The following NAV1 variants were observed in gnomAD, a reference collection of about 807,000 sequenced individuals.
The protein encoded by NAV1 is neuron navigator 1, also known as pore membrane and/or filament interacting like protein 3.
NAV1 carries 18 observed loss-of-function variants against 175.2 expected under a neutral mutation model. The observed-to-expected ratio is 0.10, with a 90% CI of 0.07 to 0.15. The LOEUF (loss-of-function observed/expected upper bound fraction) is 0.15. Among genes scored for constraint, NAV1 ranks in the 10% least tolerant of loss-of-function variants. The probability of loss-of-function intolerance (pLI) is 1.00; values close to 1 mark genes in which losing one functional copy is unlikely to be tolerated. For synonymous variants in NAV1, 897 were observed against 978.7 expected, an observed-to-expected ratio of 0.92 and a Z score of 1.56; for missense variants, 1,731 against 2,436.6, an observed-to-expected ratio of 0.71 and a Z score of 6.10.
At chr1:201,670,839 G>T (rs1670015624) in intron 1 of NAV1, among the ~76,000 whole-genome samples, 1 of 151,842 alleles carries the variant, frequency 6.6e-6, no homozygotes, top group African/African-American at 2.4e-5. Context: ...TGATGTTTTG[G>T]TAATGGTGGT....
intron 1 of NAV1, among the ~76,000 whole-genome samples, chr1:201,691,500 A>G (rs892006108): frequency 2.0e-5 from 3 of 152,228 alleles, no homozygotes; most frequent in Admixed American, 2.0e-4. Flanking sequence ...CAAGTACGTA[A>G]ACAAACAAAT....
At chr1:201,738,887 C>T (rs912567684) in intron 3 of NAV1, among the ~76,000 whole-genome samples, 1 of 152,210 alleles carries the variant, frequency 6.6e-6, no homozygotes, top group Non-Finnish European at 1.5e-5. Context: ...AAAATGTAGG[C>T]TTCCCAGTTT....
intron 2 of NAV1, among the ~76,000 whole-genome samples, chr1:201,642,276 G>A (rs546613916): frequency 9.5e-5 from 14 of 147,620 alleles, no homozygotes; most frequent in African/African-American, 3.3e-4. Flanking sequence ...GCAGTGGCGC[G>A]ATCTCGGCTC....
upstream of NAV1, among the ~76,000 whole-genome samples, chr1:201,619,650 G>C (rs1306830066): frequency 6.6e-6 from 1 of 152,198 alleles, no homozygotes; most frequent in Non-Finnish European, 1.5e-5. Flanking sequence ...TGGCATGCTG[G>C]GGCTGGGAGC....
chr1:201,731,468 G>A (rs918213318), intron 3 of NAV1, among the ~76,000 whole-genome samples: 5 of 152,130 alleles, frequency 3.3e-5, no homozygotes, highest in East Asian at 1.9e-4. Context: ...AGAGCAGGGC[G>A]AGTATATTCT....
At chr1:201,726,402 G>A (rs917091177) in intron 3 of NAV1, among the ~76,000 whole-genome samples, 1 of 152,120 alleles carries the variant, frequency 6.6e-6, no homozygotes, top group Non-Finnish European at 1.5e-5. Context: ...CCAGCACTTT[G>A]GGAGGCCGAG....
chr1:201,642,796 G>A (rs1239463371), intron 2 of NAV1, among the ~76,000 whole-genome samples: 1 of 142,238 alleles, frequency 7.0e-6, no homozygotes, highest in Non-Finnish European at 1.5e-5. Context: ...CTTTCTCGGA[G>A]TCTTGCTCTG....
exon 30 of NAV1, chr1:201,826,742 C>T (rs1571531155): frequency 2.0e-5 from 3 of 152,036 alleles, no homozygotes; most frequent in South Asian, 4.1e-4. Context: ...TATATAGTTG[C>T]GGTAACAATC....
At chr1:201,646,245 T>C (rs1004056529), upstream of NAV1, among the ~76,000 whole-genome samples, 1 of 152,222 alleles carries the variant, frequency 6.6e-6, no homozygotes, top group African/African-American at 2.4e-5. Context: ...CCACGAACCC[T>C]AGTTCCACCC....
rs1216535127 is a variant in NAV1, at chr1:201,756,822, T to TTCTTTC, written c.1227-23597_1227-23592dup. Reference sequence around the variant, plus strand: ...TTTCTTTCTTTCCTTCTTTCTTTCTTTCTTTCTTTCTTTCTTTCTTTCTTT... The same window carrying TTCTTTC: ...TTTCTTTCTTTCCTTCTTTCTTTCTTTCTTTCTCTTTCTTTCTTTCTTTCTTTCTTT... On this transcript the variant is annotated intron_variant, in intron 3 of 29. Transcript: ENST00000367296. Among the ~76,000 whole-genome samples the TTCTTTC allele has an allele frequency of 2.5e-3, 63 of 24,828 alleles. 1 individual carries two copies. Among genetic ancestry groups the TTCTTTC allele is most frequent in the Admixed American group, 6.8e-3 (17 of 2,508 alleles). The allele number at this position is 24,828 out of a possible 152,430, so 16.3% of individuals were successfully genotyped here.
chr1:201,705,788 G>A (rs570229092), intron 1 of NAV1, among the ~76,000 whole-genome samples: 1 of 152,286 alleles, frequency 6.6e-6, no homozygotes, highest in South Asian at 2.1e-4. Flanking sequence ...AGAGGGGATG[G>A]AGTCACTGTA....
intron 3 of NAV1, among the ~76,000 whole-genome samples, chr1:201,771,500 GAAAAAAAA>G (rs55864064): frequency 1.2e-5 from 1 of 86,838 alleles, no homozygotes; most frequent in Admixed American, 1.2e-4. Flanking sequence ...ACTTCGTCTA[GAAAAAAAA>G]AAAAAAAAAA....
In NAV1 at chr1:201,682,717, GA is replaced by G. The variant is rs893322007; in HGVS notation, c.758-30088del. ...TTTATTTTCATTACATGCAAGGTTG[GA>G]AAAAAAAAAAAGTAATGTGTAAGTG... On this transcript the variant is annotated intron_variant, in intron 1 of 29. Transcript: ENST00000367296. 1.8e-3 allele frequency among the ~76,000 whole-genome samples: 254 copies of G among 143,986 alleles called. 1 individual carries two copies. The highest frequency in any genetic ancestry group is 3.7e-3 in the Admixed American group (54 of 14,442). The allele number at this position is 143,986 out of a possible 152,430, so 94.5% of individuals were successfully genotyped here.
chr1:201,826,052 C>G (rs79505326), exon 30 of NAV1: 1 of 152,216 alleles, frequency 6.6e-6, no homozygotes, highest in African/African-American at 2.4e-5. Context: ...GGAGATGAGG[C>G]TGTTTAGAAC....
At chr1:201,701,025 A>AAAG (rs1411729311) in intron 1 of NAV1, among the ~76,000 whole-genome samples, 2 of 150,278 alleles carry the variant, frequency 1.3e-5, no homozygotes, top group Non-Finnish European at 3.0e-5. Context: ...AAAAAAAAAA[A>AAAG]AAAAAAAGAA....
At chr1:201,767,125 T>C (rs560653905) in intron 3 of NAV1, among the ~76,000 whole-genome samples, 3 of 151,464 alleles carry the variant, frequency 2.0e-5, no homozygotes, top group African/African-American at 4.8e-5. Context: ...GGCCCACATA[T>C]GTATTTTTAA....
chr1:201,676,535 A>AGGGAAGCG (rs1318575474), intron 1 of NAV1, among the ~76,000 whole-genome samples: 1 of 150,468 alleles, frequency 6.6e-6, no homozygotes, highest in African/African-American at 2.5e-5. Flanking sequence ...CCACACAGCG[A>AGGGAAGCG]GGGAAGCGGC....
At chr1:201,602,126 T>G (rs748216150) in intron 2 of NAV1, among the ~76,000 whole-genome samples, 15 of 152,146 alleles carry the variant, frequency 9.9e-5, no homozygotes, top group Non-Finnish European at 1.9e-4. Flanking sequence ...AATTAGAACA[T>G]GCCACCAGCA....
At position 201,782,424 on chromosome 1, in the gene NAV1, C is replaced by T; in HGVS notation, c.1912C>T (p.Pro638Ser). ...CAAGATCCAGAAGTCCTCAGGCATC[C>T]CTGTCAAGCCAGTAAATGGGCGCAA... is the stretch of plus-strand genomic sequence containing the variant. Residue 638 changes from proline (P) to serine (S), a missense_variant, in exon 6 of 30, where the codon CCT (proline) becomes TCT (serine). Transcript: ENST00000367296. The surrounding 1 kb of genome is among the most constrained non-coding windows in gnomAD (Gnocchi z 5.4). 1 of 1,614,060 alleles carries T rather than the reference C, an allele frequency of 6.2e-7. No homozygotes were observed. Among genetic ancestry groups the T allele is most frequent in the East Asian group, 2.2e-5 (1 of 44,864 alleles).
Sources: gnomAD v4.1 joint callset for allele counts (sites outside exome capture counted in the v4.1 genomes callset) on GRCh38, gnomAD v4.1.1 for gene constraint, Gnocchi (gnomAD v3.1) non-coding constraint, MANE v1.5 for transcripts, NCBI Gene and HGNC (gene_info 2026-07-23, HGNC 2026-07-21) for gene names.